Variants in KCTD20 observed in about 807,000 individuals in gnomAD.
KCTD20 encodes the protein BTB/POZ domain-containing protein KCTD20.
KCTD20 carries 30 observed loss-of-function variants against 39.6 expected under a neutral mutation model. The ratio of observed to expected loss-of-function variants is 0.76; its 90% CI spans 0.57 to 1.03. KCTD20 has a LOEUF of 1.03. Among genes scored for constraint, KCTD20 ranks in the 50% least tolerant of loss-of-function variants. KCTD20 has a pLI of 0.00. For missense variants in KCTD20, 422 were observed against 522.0 expected (o/e 0.81, Z 1.87); for synonymous variants, 162 against 180.6 (o/e 0.90, Z 0.83).
At chr6:36,486,047 G>C (rs753692315) in intron 7 of KCTD20, among the ~76,000 whole-genome samples, 4 of 152,088 alleles carry the variant, frequency 2.6e-5, no homozygotes, top group Non-Finnish European at 4.4e-5. Flanking sequence ...AGAGACCACA[G>C]GCATGCACCA....
At chr6:36,445,082 T>G (rs1356413525) in intron 1 of KCTD20, among the ~76,000 whole-genome samples, 2 of 152,042 alleles carry the variant, frequency 1.3e-5, no homozygotes, top group Non-Finnish European at 2.9e-5. Context: ...GCCAACCTGG[T>G]GAAACCCTGT....
intron 1 of KCTD20, among the ~76,000 whole-genome samples, chr6:36,445,602 T>C (rs909064929): frequency 5.9e-5 from 9 of 152,148 alleles, no homozygotes; most frequent in African/African-American, 1.7e-4. Flanking sequence ...ACCACATGAT[T>C]TTTAGTTGGA....
chr6:36,462,862 A>C (rs551663313), intron 1 of KCTD20, among the ~76,000 whole-genome samples: 8 of 152,246 alleles, frequency 5.3e-5, no homozygotes, highest in African/African-American at 1.7e-4. Context: ...GGTCTTATTT[A>C]TCTTAAAGCA....
At chr6:36,479,555 C>T (rs751882998) in intron 4 of KCTD20, 36 bp from the exon 5 acceptor site, 6 of 1,580,780 alleles carry the variant, frequency 3.8e-6, no homozygotes, top group Non-Finnish European at 5.1e-6. Context: ...TCATCTTGTT[C>T]TCTGCCTACA....
intron 1 of KCTD20, among the ~76,000 whole-genome samples, chr6:36,467,089 C>T (rs1775776779): frequency 6.6e-6 from 1 of 151,758 alleles, no homozygotes; most frequent in East Asian, 2.0e-4. Context: ...GGGTGGATCA[C>T]CTGAGGTCAG....
At chr6:36,477,002 A>G (rs1435351899) in intron 3 of KCTD20, among the ~76,000 whole-genome samples, 2 of 152,188 alleles carry the variant, frequency 1.3e-5, no homozygotes, top group East Asian at 3.8e-4. Context: ...TTCTTGGGTG[A>G]CACTGGTTTT....
At position 36,487,291 on chromosome 6, in the gene KCTD20, T is replaced by G; in HGVS notation, c.*116T>G. On this transcript the variant is annotated 3_prime_UTR_variant, in exon 8 of 8. Transcript: ENST00000373731. ...GGAGACATGCTTCTCCCCTAACCTTTTCCTTTCTGCCATAATTAACATATG... is the reference window on the plus strand; with the variant it reads ...GGAGACATGCTTCTCCCCTAACCTTGTCCTTTCTGCCATAATTAACATATG... 9.6e-7 allele frequency: 1 copy of G among 1,045,202 alleles called. No homozygotes were observed. Among genetic ancestry groups the G allele is most frequent in the Non-Finnish European group, 1.4e-6 (1 of 710,210 alleles). 64.7% of individuals were successfully genotyped at this position (1,045,202 alleles called of 1,614,324 possible).
At chr6:36,461,249 G>C (rs994200680) in intron 1 of KCTD20, among the ~76,000 whole-genome samples, 8 of 152,028 alleles carry the variant, frequency 5.3e-5, no homozygotes, top group Non-Finnish European at 7.4e-5. Flanking sequence ...GTAATATTTA[G>C]GACCTTTTTA....
intron 6 of KCTD20, among the ~76,000 whole-genome samples, chr6:36,484,489 T>C (rs1776357613): frequency 2.6e-5 from 4 of 152,196 alleles, no homozygotes; most frequent in Admixed American, 2.6e-4. Flanking sequence ...CATCAGTTTT[T>C]CTTTTATGGC....
intron 1 of KCTD20, among the ~76,000 whole-genome samples, chr6:36,466,341 G>C (rs1377914036): frequency 6.6e-6 from 1 of 151,442 alleles, no homozygotes; most frequent in Non-Finnish European, 1.5e-5. Flanking sequence ...GGGATGACAG[G>C]CATGAGCCAC....
chr6:36,487,260 T>G lies in KCTD20; in HGVS notation c.*85T>G. On this transcript the variant is annotated 3_prime_UTR_variant, in exon 8 of 8. Transcript: ENST00000373731. Reference sequence around the variant, plus strand: ...CCCTCCCTCGTGATTTGTCTCACCTTGAGTAGGAGACATGCTTCTCCCCTA... The same window carrying G: ...CCCTCCCTCGTGATTTGTCTCACCTGGAGTAGGAGACATGCTTCTCCCCTA... The G allele has an allele frequency of 7.3e-7, 1 of 1,361,598 alleles. No individual in the cohort carries two copies. 84.3% of individuals were successfully genotyped at this position (1,361,598 alleles called of 1,614,324 possible).
chr6:36,463,031 C>T (rs1334917157), intron 1 of KCTD20, among the ~76,000 whole-genome samples: 2 of 152,208 alleles, frequency 1.3e-5, no homozygotes, highest in Non-Finnish European at 2.9e-5. Context: ...CTTTATACAG[C>T]TCCTTAGATG....
chr6:36,449,002 G>T (rs1334839739), intron 1 of KCTD20, among the ~76,000 whole-genome samples: 1 of 149,728 alleles, frequency 6.7e-6, no homozygotes, highest in Non-Finnish European at 1.5e-5. Context: ...GAGTGAAGCT[G>T]CAGACCTTTG....
intron 2 of KCTD20, 94 bp downstream of exon 2, chr6:36,470,351 A>C: frequency 8.6e-7 from 1 of 1,166,410 alleles, no homozygotes; most frequent in South Asian, 1.6e-5. Context: ...AATCTAAATA[A>C]ATTATCCAAT....
chr6:36,448,630 G>A (rs1232546190), intron 1 of KCTD20, among the ~76,000 whole-genome samples: 3 of 152,192 alleles, frequency 2.0e-5, no homozygotes, highest in Non-Finnish European at 4.4e-5. Context: ...AGGCCAAGAT[G>A]GTGTCAGGAG....
intron 1 of KCTD20, among the ~76,000 whole-genome samples, chr6:36,462,506 T>C (rs1359058119): frequency 1.3e-5 from 2 of 152,130 alleles, no homozygotes; most frequent in Non-Finnish European, 2.9e-5. Context: ...AAGTTCAGAT[T>C]CTCCAGACCC....
At chr6:36,445,446 C>A (rs960215560) in intron 1 of KCTD20, among the ~76,000 whole-genome samples, 1 of 152,002 alleles carries the variant, frequency 6.6e-6, no homozygotes, top group African/African-American at 2.4e-5. Context: ...CTTATTGAAT[C>A]TTTTTCTGTT....
chr6:36,473,445 C>T (rs1001734436), intron 2 of KCTD20, among the ~76,000 whole-genome samples: 3 of 152,052 alleles, frequency 2.0e-5, no homozygotes, highest in Non-Finnish European at 4.4e-5. Context: ...ATTATTTATC[C>T]TCAATATAGA....
intron 3 of KCTD20, among the ~76,000 whole-genome samples, chr6:36,477,477 TTTTC>T (rs900739495): frequency 8.7e-5 from 12 of 138,174 alleles, no homozygotes; most frequent in Non-Finnish European, 1.7e-4. Context: ...AATCATTTTC[TTTTC>T]TTTTTTTTTT....
Sources: gnomAD v4.1 joint callset for allele counts (sites outside exome capture counted in the v4.1 genomes callset) on GRCh38, gnomAD v4.1.1 for gene constraint, MANE v1.5 for transcripts, NCBI Gene and HGNC (gene_info 2026-07-23, HGNC 2026-07-21) for gene names.